MUC4: variants seen among roughly 807,000 people sequenced by gnomAD.
MUC4 encodes the protein mucin 4, cell surface associated, also known as mucin-4.
MUC4 carries 202 observed loss-of-function variants against 257.9 expected under a neutral mutation model. The observed-to-expected ratio is 0.78, with a 90% CI of 0.70 to 0.88. MUC4 has a LOEUF of 0.88. Among genes scored for constraint, MUC4 ranks in the 40% least tolerant of loss-of-function variants. The probability of loss-of-function intolerance (pLI) is 0.00; values close to 1 mark genes in which losing one functional copy is unlikely to be tolerated. For synonymous variants in MUC4, 2,351 were observed against 2,757.1 expected (o/e 0.85, Z 4.62); for missense variants, 5,976 against 6,513.7 (o/e 0.92, Z 2.84).
chr3:195,804,840 G>A (rs1311687982), intron 1 of MUC4, among the ~76,000 whole-genome samples: 1 of 152,198 alleles, frequency 6.6e-6, no homozygotes, highest in Non-Finnish European at 1.5e-5. Context: ...CTGTGACCAG[G>A]GTTGTGTCCA....
intron 14 of MUC4, 72 bp from the exon 15 acceptor site, chr3:195,761,657 C>T (rs1257219008): frequency 2.4e-6 from 3 of 1,231,006 alleles, no homozygotes; most frequent in Admixed American, 1.7e-5. Flanking sequence ...ATCCGGCGGA[C>T]GCAGTGGGGA....
chr3:195,799,771 T>C (rs1241793641), intron 1 of MUC4, among the ~76,000 whole-genome samples: 1 of 152,246 alleles, frequency 6.6e-6, no homozygotes, highest in Non-Finnish European at 1.5e-5. Flanking sequence ...CATAAATTTC[T>C]ATCAGTGGAA....
At chr3:195,753,450 G>T in intron 19 of MUC4, 1 of 559,764 alleles carries the variant, frequency 1.8e-6, no homozygotes, top group Non-Finnish European at 3.1e-6. Flanking sequence ...TGGAGGGACT[G>T]GAGTGTTTCT....
rs531198585 is a variant in MUC4 at position 195,767,441 on chromosome 3, TCACCAC to T, written c.13530-696_13530-691del. Reference sequence around the variant, plus strand: ...ACCAACACTACCATCACCATCACCATCACCACCACCACCACCAACACTACCACCACC... The same window carrying T: ...ACCAACACTACCATCACCATCACCATCACCACCACCAACACTACCACCACC... On this transcript the variant is annotated intron_variant, in intron 7 of 24. Transcript: ENST00000463781. 4.8e-3 allele frequency among the ~76,000 whole-genome samples: 460 copies of T among 96,354 alleles called. 3 individuals carry two copies. The highest frequency in any genetic ancestry group is 0.017 in the African/African-American group (435 of 26,034). 63.2% of individuals were successfully genotyped at this position (96,354 alleles called of 152,430 possible). A position where few individuals can be genotyped will look rare whatever the true frequency, so the allele number is the denominator to read the frequency against.
intron 3 of MUC4, among the ~76,000 whole-genome samples, chr3:195,774,971 G>C (rs1413434003): frequency 2.6e-5 from 4 of 151,838 alleles, no homozygotes; most frequent in African/African-American, 9.7e-5. Flanking sequence ...CCTTTTCAGG[G>C]AATGAGACTT....
Position 195,770,335 on chromosome 3 carries a change from C to T in MUC4, c.13279G>A (p.Val4427Ile). 1 of 1,614,008 alleles carries T rather than the reference C, an allele frequency of 6.2e-7. No homozygotes were observed. Among genetic ancestry groups the T allele is most frequent in the Non-Finnish European group, 8.5e-7 (1 of 1,179,966 alleles). The change falls in exon 6 of 25, where the codon GTC becomes ATC. Residue 4427 changes from valine (V) to isoleucine (I), a missense_variant. Around this residue, in one of 44 missense-constraint regions of MUC4, gnomAD observed 996 missense variants for 1,137.3 expected, o/e 0.88. Transcript: ENST00000463781. ...ETFYGEHSLL[V>I]QQAESWIRKM... is the part of the protein sequence containing the mutation. The stretch of plus-strand genomic sequence containing the variant: ...CTAATCCAAGACTCGGCCTGCTGGA[C>T]TAGCAGGCTGTGTTCACCATAGAAC...
intron 1 of MUC4, among the ~76,000 whole-genome samples, chr3:195,797,439 C>T (rs1333677015): frequency 6.6e-6 from 1 of 152,078 alleles, no homozygotes; most frequent in Non-Finnish European, 1.5e-5. Context: ...TGATAAAAGT[C>T]AACACTTACT....
chr3:195,799,931 C>T, intron 1 of MUC4, among the ~76,000 whole-genome samples: 1 of 152,110 alleles, frequency 6.6e-6, no homozygotes, highest in East Asian at 1.9e-4. Flanking sequence ...AACAAAGGGG[C>T]ATGATCCAGG....
chr3:195,769,271 T>G (rs565912122), intron 6 of MUC4, 119 bp from the exon 7 acceptor site: 3 of 1,418,384 alleles, frequency 2.1e-6, no homozygotes, highest in South Asian at 2.9e-5. Context: ...GTTCCTGGTC[T>G]GCCCACAGCA....
chr3:195,774,648 T>C (rs1723931000), intron 3 of MUC4, among the ~76,000 whole-genome samples: 2 of 152,146 alleles, frequency 1.3e-5, no homozygotes, highest in Non-Finnish European at 2.9e-5. Flanking sequence ...ACGCCTGTAA[T>C]CCCAGCACTT....
chr3:195,747,523 C>T (rs1315806409), intron 24 of MUC4, 143 bp from the exon 25 acceptor site: 9 of 1,036,770 alleles, frequency 8.7e-6, no homozygotes, highest in Admixed American at 7.2e-5. Context: ...GCCCTGAGGC[C>T]GTGCTGAAGT....
chr3:195,756,541 G>A (rs186758459), intron 18 of MUC4, among the ~76,000 whole-genome samples: 88 of 150,878 alleles, frequency 5.8e-4, no homozygotes, highest in African/African-American at 2.1e-3. Flanking sequence ...TCTTTCTTTC[G>A]TCCTTCTTTT....
At chr3:195,764,724 G>C (rs1322326506) in intron 10 of MUC4, among the ~76,000 whole-genome samples, 1 of 152,128 alleles carries the variant, frequency 6.6e-6, no homozygotes, top group Non-Finnish European at 1.5e-5. Context: ...ACAGGGACGG[G>C]GTCAGCCTAG....
intron 24 of MUC4, 108 bp from the exon 25 acceptor site, chr3:195,747,488 C>A: frequency 1.5e-6 from 2 of 1,294,722 alleles, no homozygotes; most frequent in Middle Eastern, 4.9e-4. Flanking sequence ...CTGGGCTCGC[C>A]CCACTCTCCG....
intron 23 of MUC4, among the ~76,000 whole-genome samples, chr3:195,749,318 A>G (rs1415833423): frequency 1.7e-5 from 1 of 57,702 alleles, no homozygotes; most frequent in Non-Finnish European, 4.1e-5. Context: ...TCCTAGGGAA[A>G]AAGGTTCCTA....
Position 195,747,127 on chromosome 3 carries a change from C to T in MUC4, c.*49G>A, listed in dbSNP as rs1476531546. 1.9e-6 allele frequency: 3 copies of T among 1,605,640 alleles called. No homozygotes were observed. In the Admixed American group the frequency reaches 5.0e-5, roughly 27 times the overall value. On this transcript the variant is annotated 3_prime_UTR_variant, in exon 25 of 25. Transcript: ENST00000463781. ...CAAAAGCAATGGCGCCTTAAATGTG[C>T]GGTAAGGATGAGGTGAGTCTTGAGG...
At chr3:195,747,473 A>G in intron 24 of MUC4, 93 bp from the exon 25 acceptor site, 2 of 1,410,862 alleles carry the variant, frequency 1.4e-6, no homozygotes, top group Non-Finnish European at 2.0e-6. Flanking sequence ...GTTCTGTAGG[A>G]GAGGCTGGGC....
Position 195,779,580 on chromosome 3 carries a change from A to G in MUC4, c.12000T>C (p.Pro4000=), listed in dbSNP as rs764920598. The G allele has an allele frequency of 6.1e-5, 88 of 1,441,234 alleles. 2 individuals are homozygous for G. The African/African-American group carries it at 1.2e-3, about 20-fold the overall frequency. 89.3% of individuals were successfully genotyped at this position (1,441,234 alleles called of 1,614,324 possible). A position where few individuals can be genotyped will look rare whatever the true frequency, so the allele number is the denominator to read the frequency against. The change falls in exon 2 of 25, where the codon CCT becomes CCC. Residue 4000 remains proline, a synonymous_variant. Transcript: ENST00000463781. ...CTGAGGAAGTGCTGGTGACAGGAAGAGGGGTGGCGTGACCTGTGGATACTG... is the reference window on the plus strand; with the variant it reads ...CTGAGGAAGTGCTGGTGACAGGAAGGGGGGTGGCGTGACCTGTGGATACTG... The part of the protein sequence containing the change: ...TSSVSTGHAT[P]LPVTSTSSVS...
At chr3:195,754,470 C>A (rs1717115010) in intron 18 of MUC4, 98 bp from the exon 19 acceptor site, 2 of 1,430,330 alleles carry the variant, frequency 1.4e-6, no homozygotes, top group African/African-American at 2.8e-5. Flanking sequence ...AACCCGTGGA[C>A]CCTGAGTCAT....
Sources: allele counts gnomAD v4.1 joint callset (sites outside exome capture counted in the v4.1 genomes callset), GRCh38; gene constraint gnomAD v4.1.1; regional missense constraint gnomAD v4.1.1; transcripts MANE v1.5; gene names NCBI Gene and HGNC (gene_info 2026-07-23, HGNC 2026-07-21).